Variants in SLC4A10 observed in about 807,000 individuals in gnomAD.
The protein encoded by SLC4A10 is sodium-driven chloride bicarbonate exchanger.
Under a neutral mutation model 137.7 loss-of-function variants are expected in SLC4A10, and 42 were observed. The observed-to-expected ratio is 0.30, with a 90% CI of 0.24 to 0.39. The LOEUF (loss-of-function observed/expected upper bound fraction) is 0.39. Ranked by LOEUF, SLC4A10 falls within the 10% of genes least tolerant of loss-of-function variation. The pLI is 1.00. For missense variants in SLC4A10, 925 were observed against 1,355.0 expected (o/e 0.68, Z 4.98); for synonymous variants, 474 against 464.1 (o/e 1.02, Z -0.27).
At chr2:161,921,543 A>C (rs1344712046) in intron 15 of SLC4A10, among the ~76,000 whole-genome samples, 1 of 152,240 alleles carries the variant, frequency 6.6e-6, no homozygotes, top group East Asian at 1.9e-4. Context: ...GAAAAAATGA[A>C]AAACAAAAAT....
At chr2:161,935,703 A>C (rs1691458294) in intron 15 of SLC4A10, among the ~76,000 whole-genome samples, 1 of 152,096 alleles carries the variant, frequency 6.6e-6, no homozygotes, top group South Asian at 2.1e-4. Flanking sequence ...AGGGTGTTAA[A>C]GTGCTACCCA....
chr2:161,968,374 G>A (rs1456230151), intron 23 of SLC4A10, among the ~76,000 whole-genome samples: 1 of 152,074 alleles, frequency 6.6e-6, no homozygotes, highest in Non-Finnish European at 1.5e-5. Context: ...TATACCCACT[G>A]TACTTTAATG....
At chr2:161,981,430 C>T (rs1344152738) in intron 26 of SLC4A10, among the ~76,000 whole-genome samples, 3 of 152,158 alleles carry the variant, frequency 2.0e-5, no homozygotes, top group South Asian at 2.1e-4. Context: ...TAGTCCAAAA[C>T]CAATTTTACA....
intron 11 of SLC4A10, among the ~76,000 whole-genome samples, chr2:161,898,134 T>G (rs1056831003): frequency 2.0e-5 from 3 of 152,086 alleles, no homozygotes; most frequent in Non-Finnish European, 4.4e-5. Flanking sequence ...TGAACAAATG[T>G]TTTAACCTCT....
intron 5 of SLC4A10, among the ~76,000 whole-genome samples, chr2:161,858,834 G>A (rs2060245184): frequency 2.0e-5 from 3 of 152,142 alleles, no homozygotes; most frequent in Non-Finnish European, 4.4e-5. Context: ...AACAACCTTT[G>A]TTGTTTAAAA....
intron 3 of SLC4A10, among the ~76,000 whole-genome samples, chr2:161,827,021 A>G (rs189726429): frequency 3.9e-5 from 6 of 152,204 alleles, no homozygotes; most frequent in Non-Finnish European, 7.4e-5. Flanking sequence ...TTCTGTTTAT[A>G]TCTGTCTTAT....
intron 15 of SLC4A10, among the ~76,000 whole-genome samples, chr2:161,918,597 AT>A (rs1417506374): frequency 1.2e-4 from 19 of 152,246 alleles, no homozygotes; most frequent in African/African-American, 4.1e-4. Flanking sequence ...TATTTTGATT[AT>A]AAAAATTCAC....
chr2:161,875,225 T>C (rs2061389191), intron 8 of SLC4A10, among the ~76,000 whole-genome samples: 1 of 152,184 alleles, frequency 6.6e-6, no homozygotes, highest in South Asian at 2.1e-4. Context: ...TAGTGCCAGA[T>C]TTTGCAGGTG....
chr2:161,771,825 A>C (rs1267708377), intron 2 of SLC4A10, among the ~76,000 whole-genome samples: 1 of 151,912 alleles, frequency 6.6e-6, no homozygotes, highest in Admixed American at 6.6e-5. Flanking sequence ...GTTACTAATG[A>C]GATACAAGGT....
intron 1 of SLC4A10, among the ~76,000 whole-genome samples, chr2:161,671,325 A>G (rs1487728385): frequency 6.6e-6 from 1 of 152,164 alleles, no homozygotes; most frequent in Admixed American, 6.6e-5. Flanking sequence ...CAAACCTGCC[A>G]GCACCTTAAT....
At chr2:161,682,480 T>C (rs554641230) in intron 1 of SLC4A10, among the ~76,000 whole-genome samples, 2 of 152,310 alleles carry the variant, frequency 1.3e-5, no homozygotes, top group South Asian at 4.1e-4. Flanking sequence ...TTTTAGGTGT[T>C]AAAATTGTGA....
intron 2 of SLC4A10, among the ~76,000 whole-genome samples, chr2:161,800,466 A>T: frequency 6.6e-6 from 1 of 152,060 alleles, no homozygotes; most frequent in East Asian, 1.9e-4. Flanking sequence ...CAAATCAAAG[A>T]TACCTGCCTT....
At chr2:161,642,852 A>G (rs1340053762) in intron 1 of SLC4A10, among the ~76,000 whole-genome samples, 1 of 152,024 alleles carries the variant, frequency 6.6e-6, no homozygotes, top group Non-Finnish European at 1.5e-5. Context: ...TTTTAAGTCA[A>G]TAGTTTCAGC....
intron 1 of SLC4A10, among the ~76,000 whole-genome samples, chr2:161,751,934 G>A (rs2049027645): frequency 6.6e-6 from 1 of 151,818 alleles, no homozygotes; most frequent in Non-Finnish European, 1.5e-5. Context: ...ACCTCCCTAT[G>A]TCTCAGACCC....
chr2:161,632,210 T>C lies in SLC4A10; in HGVS notation c.48+7644T>C, dbSNP rs188071446. On this transcript the variant is annotated intron_variant, in intron 1 of 26. Coordinates refer to ENST00000446997, the MANE Select transcript of SLC4A10 (RefSeq NM_001178015.2). ...ACCTAGTCAAATTTCAGAAAGCAAG[T>C]GACATAAAAAGTAGGTATATAACAA... Among the ~76,000 whole-genome samples the C allele has an allele frequency of 2.9e-3, 442 of 151,744 alleles. 1 individual carries two copies. Among genetic ancestry groups the C allele is most frequent in the Non-Finnish European group, 4.3e-3 (289 of 67,670 alleles).
chr2:161,882,376 G>T lies in SLC4A10; in HGVS notation c.1126G>T (p.Gly376Ter). Reference protein sequence around the residue: ...IPTRFLFILLGPLGKGQQYHE... With the variant: ...IPTRFLFILL ...TTACAGATTTTTGTTCATTCTTCTGGGACCCCTGGGAAAGGGTCAACAGTA... is the reference window on the plus strand; with the variant it reads ...TTACAGATTTTTGTTCATTCTTCTGTGACCCCTGGGAAAGGGTCAACAGTA... Residue 376 changes from glycine to a stop codon, truncating the protein, a stop_gained, in exon 10 of 27, where the codon GGA becomes TGA. Transcript: ENST00000446997. LOFTEE classifies it high-confidence loss of function. 2 of 1,578,604 alleles carry T rather than the reference G, an allele frequency of 1.3e-6. No homozygotes were observed. The highest frequency in any genetic ancestry group is 1.4e-5 in the African/African-American group (1 of 73,586).
intron 15 of SLC4A10, among the ~76,000 whole-genome samples, chr2:161,915,532 C>T (rs1686929498): frequency 6.6e-6 from 1 of 152,160 alleles, no homozygotes; most frequent in African/African-American, 2.4e-5. Context: ...AGGCAAAGGA[C>T]CTAGCTGATA....
At chr2:161,743,476 A>G (rs2048112576) in intron 1 of SLC4A10, among the ~76,000 whole-genome samples, 1 of 152,122 alleles carries the variant, frequency 6.6e-6, no homozygotes, top group African/African-American at 2.4e-5. Flanking sequence ...CCATTGCTCT[A>G]TGTGGCTATT....
chr2:161,866,295 T>A (rs948486348), intron 6 of SLC4A10, among the ~76,000 whole-genome samples: 2 of 152,070 alleles, frequency 1.3e-5, no homozygotes, highest in African/African-American at 4.8e-5. Context: ...ATAGTGCATT[T>A]CCTTGCTCTT....
Sources: allele counts gnomAD v4.1 joint callset (sites outside exome capture counted in the v4.1 genomes callset), GRCh38; gene constraint gnomAD v4.1.1; transcripts MANE v1.5; gene names NCBI Gene and HGNC (gene_info 2026-07-23, HGNC 2026-07-21).